KIF13B: variants seen among roughly 807,000 people sequenced by gnomAD.
KIF13B encodes kinesin-like protein KIF13B.
In KIF13B, 127 loss-of-function variants were observed where a neutral mutation model predicts 222.0. The observed-to-expected ratio is 0.57, with a 90% CI of 0.50 to 0.66. The LOEUF is 0.66. Ranked by LOEUF, KIF13B falls within the 30% of genes least tolerant of loss-of-function variation. The pLI is 0.00. For missense variants in KIF13B, 2,173 were observed against 2,379.0 expected, an observed-to-expected ratio of 0.91 and a Z score of 1.80; for synonymous variants, 976 against 919.0, an observed-to-expected ratio of 1.06 and a Z score of -1.12.
At chr8:29,128,285 T>C (rs1408153218) in intron 24 of KIF13B, among the ~76,000 whole-genome samples, 1 of 152,106 alleles carries the variant, frequency 6.6e-6, no homozygotes, top group Admixed American at 6.5e-5. Context: ...TCAAACTTGG[T>C]TTATAAATTT....
chr8:29,182,484 C>A (rs546088042), intron 6 of KIF13B, among the ~76,000 whole-genome samples: 1 of 152,062 alleles, frequency 6.6e-6, no homozygotes, highest in Non-Finnish European at 1.5e-5. Flanking sequence ...AAGAGCCATG[C>A]GCTTTAATCA....
intron 35 of KIF13B, among the ~76,000 whole-genome samples, chr8:29,103,904 G>A (rs910917931): frequency 1.3e-5 from 2 of 152,112 alleles, no homozygotes; most frequent in South Asian, 2.1e-4. Flanking sequence ...TGCCTAATAC[G>A]ATTTGTCTTG....
intron 2 of KIF13B, among the ~76,000 whole-genome samples, chr8:29,222,885 T>C (rs1814822596): frequency 6.6e-6 from 1 of 152,222 alleles, no homozygotes; most frequent in East Asian, 1.9e-4. Context: ...TTATGTGACA[T>C]GATGTGTTTT....
intron 1 of KIF13B, among the ~76,000 whole-genome samples, chr8:29,250,994 T>C (rs192298401): frequency 2.1e-4 from 32 of 151,742 alleles, no homozygotes; most frequent in Admixed American, 5.2e-4. Context: ...CTACAAAAAA[T>C]ACAAAAATTA....
intron 34 of KIF13B, among the ~76,000 whole-genome samples, chr8:29,108,465 C>T (rs28675146): frequency 0.012 from 1,841 of 152,290 alleles, 30 homozygotes; most frequent in African/African-American, 0.041. Context: ...AGAGATGTCG[C>T]GTTGGGTGAG....
chr8:29,083,377 C>T lies in KIF13B; in HGVS notation c.4459-8034G>A, dbSNP rs1051699220. On this transcript the variant is annotated intron_variant, in intron 37 of 39. Transcript: ENST00000524189. ...AATCCTAAAATATTTACAATCTGTT[C>T]CTTTATAAAATAAAGTATGGCAACA... Among the ~76,000 whole-genome samples the T allele has an allele frequency of 3.9e-5, 6 of 152,250 alleles. No homozygotes were observed. In the South Asian group the frequency reaches 1.2e-3, roughly 32 times the overall value.
At chr8:29,243,961 A>G (rs1049865153) in intron 2 of KIF13B, among the ~76,000 whole-genome samples, 23 of 152,204 alleles carry the variant, frequency 1.5e-4, no homozygotes, top group Admixed American at 1.4e-3. Flanking sequence ...ATAACTCACT[A>G]TGATAACATA....
rs772875337 is a variant in KIF13B, at chr8:29,188,560, C to A, written c.271G>T (p.Ala91Ser). The A allele has an allele frequency of 1.9e-6, 3 of 1,612,446 alleles. No individual in the cohort carries two copies. The highest frequency in any genetic ancestry group is 2.5e-6 in the Non-Finnish European group (3 of 1,178,812). ...KCLGENILQN[A>S]FDGYNACIFA... ...ATACATGCATTGTAGCCATCAAAAG[C>A]ATTCTGCAGGATATTCTCTCCAAGG... Residue 91 changes from alanine to serine, a missense_variant, in exon 5 of 40, where the codon GCT becomes TCT. By Grantham distance (99) the Ala-to-Ser change is moderately conservative. This residue lies in a region of KIF13B where 1,480 missense variants were observed against 1,722.8 expected (regional missense o/e 0.86). Coordinates refer to ENST00000524189, the MANE Select transcript of KIF13B (RefSeq NM_015254.4).
intron 2 of KIF13B, among the ~76,000 whole-genome samples, chr8:29,228,472 A>AAAATATATATAT: frequency 0.06 from 6,992 of 116,922 alleles, 528 homozygotes; most frequent in South Asian, 0.11. Flanking sequence ...ATCTTAAAAA[A>AAAATATATATAT]ATATATATAT....
chr8:29,160,490 A>G (rs1413171205), intron 13 of KIF13B, among the ~76,000 whole-genome samples: 3 of 152,210 alleles, frequency 2.0e-5, no homozygotes, highest in Non-Finnish European at 4.4e-5. Flanking sequence ...GATACAAATC[A>G]CGTTAAATAA....
At chr8:29,116,788 G>C (rs1226328669) in intron 31 of KIF13B, 43 bp downstream of exon 31, 1 of 1,556,580 alleles carries the variant, frequency 6.4e-7, no homozygotes, top group East Asian at 2.3e-5. Flanking sequence ...CTACCCTCAG[G>C]TCGCAACTGT....
intron 22 of KIF13B, 79 bp downstream of exon 22, chr8:29,133,961 C>G: frequency 2.2e-6 from 3 of 1,377,040 alleles, no homozygotes; most frequent in Non-Finnish European, 3.0e-6. Flanking sequence ...CACATTTAGT[C>G]AAAGAAACAA....
chr8:29,190,758 A>C, intron 4 of KIF13B: 2 of 494,410 alleles, frequency 4.0e-6, no homozygotes, highest in East Asian at 3.7e-5. Flanking sequence ...GTCCCCAGGT[A>C]GAGAGCATCG....
intron 13 of KIF13B, 29 bp from the exon 14 acceptor site, chr8:29,155,885 T>C: frequency 2.0e-6 from 3 of 1,503,430 alleles, no homozygotes; most frequent in Non-Finnish European, 2.7e-6. Context: ...CACTGATTAA[T>C]ACTGTATTCT....
chr8:29,190,727 T>C (rs1813140960), intron 4 of KIF13B: 1 of 419,320 alleles, frequency 2.4e-6, no homozygotes, highest in Non-Finnish European at 4.4e-6. Flanking sequence ...GACTGAGCCC[T>C]CAGTCTGTGG....
rs891416383 is a variant in KIF13B at position 29,184,394 on chromosome 8, T to C, written c.497+1898A>G. On this transcript the variant is annotated intron_variant, in intron 6 of 39. Transcript: ENST00000524189. ...TACCACTTATTGAGCACTTACTGTA[T>C]GCCAGCAAATGTTCTAAGACCTCAG... Among the ~76,000 whole-genome samples the C allele has an allele frequency of 5.9e-5, 9 of 152,302 alleles. No individual in the cohort carries two copies. The East Asian group carries it at 1.7e-3, about 29-fold the overall frequency.
chr8:29,157,909 C>T (rs1480148843), intron 13 of KIF13B, among the ~76,000 whole-genome samples: 1 of 152,050 alleles, frequency 6.6e-6, no homozygotes, highest in South Asian at 2.1e-4. Flanking sequence ...CAAATTCTTA[C>T]CCGGGCTTAC....
rs1011102621 is a variant in KIF13B, at chr8:29,245,350, C to T, written c.145G>A (p.Ala49Thr). The T allele has an allele frequency of 6.3e-7, 1 of 1,588,288 alleles. No individual in the cohort carries two copies. Among genetic ancestry groups the T allele is most frequent in the South Asian group, 1.1e-5 (1 of 87,372 alleles). ...PVNTNLSKGD[A>T]RGQPKVFAYD... Reference sequence around the variant, plus strand: ...CAGCACTGTTTCTTAACTCACCGGGCATCTCCTTTGGAAAGATTCGTATTT... The same window carrying T: ...CAGCACTGTTTCTTAACTCACCGGGTATCTCCTTTGGAAAGATTCGTATTT... Residue 49 changes from alanine (A) to threonine (T), a missense_variant, in exon 2 of 40, where the codon GCC becomes ACC. By Grantham distance (58) the Ala-to-Thr change is moderately conservative (BLOSUM62 0). Coordinates refer to ENST00000524189, the MANE Select transcript of KIF13B (RefSeq NM_015254.4).
chr8:29,224,518 T>A (rs1047575389), intron 2 of KIF13B, among the ~76,000 whole-genome samples: 1 of 152,262 alleles, frequency 6.6e-6, no homozygotes, highest in African/African-American at 2.4e-5. Context: ...CGAAAACAGC[T>A]GTGATTTGTA....
Sources: gnomAD v4.1 joint callset for allele counts (sites outside exome capture counted in the v4.1 genomes callset) on GRCh38, gnomAD v4.1.1 for gene constraint, gnomAD v4.1.1 regional missense constraint, MANE v1.5 for transcripts, NCBI Gene and HGNC (gene_info 2026-07-23, HGNC 2026-07-21) for gene names.